Variants in KNTC1 observed in about 807,000 individuals in gnomAD.
The protein encoded by KNTC1 is kinetochore associated 1.
KNTC1 carries 253 observed loss-of-function variants against 314.4 expected under a neutral mutation model. The observed-to-expected ratio is 0.80, with a 90% CI of 0.73 to 0.89. The LOEUF (loss-of-function observed/expected upper bound fraction) is 0.89. KNTC1 is among the 40% of genes least tolerant of loss of function. The pLI, the probability that KNTC1 is intolerant of heterozygous loss-of-function variation, is 0.00. For synonymous variants in KNTC1, 901 were observed against 901.4 expected (o/e 1.00, Z 0.01); for missense variants, 2,475 against 2,572.9 (o/e 0.96, Z 0.82).
chr12:122,610,944 C>A, intron 53 of KNTC1, 44 bp downstream of exon 53: 1 of 1,405,660 alleles, frequency 7.1e-7, no homozygotes, highest in Non-Finnish European at 1.0e-6. Flanking sequence ...TGCATCTCAG[C>A]TTAACATTTT....
intron 6 of KNTC1, 51 bp from the exon 7 acceptor site, chr12:122,543,549 T>C (rs61956128): frequency 0.24 from 308,630 of 1,262,696 alleles, 40,098 homozygotes; most frequent in East Asian, 0.48. Flanking sequence ...TGACTTGTAT[T>C]ATTTTGTAGA....
At chr12:122,540,175 GTT>G (rs560388242) in intron 5 of KNTC1, among the ~76,000 whole-genome samples, 5 of 138,204 alleles carry the variant, frequency 3.6e-5, no homozygotes, top group African/African-American at 7.9e-5. Flanking sequence ...CATTTTTTCT[GTT>G]TTTTTTTTTT....
At chr12:122,550,121 C>T (rs1295284334) in intron 13 of KNTC1, among the ~76,000 whole-genome samples, 1 of 151,616 alleles carries the variant, frequency 6.6e-6, no homozygotes, top group Admixed American at 6.6e-5. Context: ...TTTCTTGTGT[C>T]TCTACAGGAA....
At position 122,570,895 on chromosome 12, in the gene KNTC1, T is replaced by A; in HGVS notation, c.1880T>A (p.Leu627Ter). ...TTTCAGATAATTCTTGCAAAATGGTTGGAACAAGCAGCCAGGAACCTTGAA... is the reference window on the plus strand; with the variant it reads ...TTTCAGATAATTCTTGCAAAATGGTAGGAACAAGCAGCCAGGAACCTTGAA... ...PEGQIILAKW[L>*]EQAARNLELT... Residue 627 changes from leucine (L) to a stop codon, truncating the protein, a stop_gained, in exon 23 of 64, where the codon TTG becomes TAG. Transcript: ENST00000333479. LOFTEE classifies it high-confidence loss of function. 6.4e-7 allele frequency: 1 copy of A among 1,554,950 alleles called. No individual in the cohort carries two copies. The highest frequency in any genetic ancestry group is 8.7e-7 in the Non-Finnish European group (1 of 1,146,430).
rs1048635458 is a variant in KNTC1, at chr12:122,567,681, T to G, written c.1605-580T>G. Among the ~76,000 whole-genome samples the G allele has an allele frequency of 5.9e-5, 9 of 151,868 alleles. No homozygotes were observed. In the South Asian group the frequency reaches 1.5e-3, roughly 25 times the overall value. ...GGTGAAACCCCATCTCTACTAAAAA[T>G]ACAAAAATTAGCCAGGCATGGTGGT... On this transcript the variant is annotated intron_variant, in intron 20 of 63. Transcript: ENST00000333479.
chr12:122,549,618 A>C, intron 12 of KNTC1, 148 bp from the exon 13 acceptor site: 1 of 557,718 alleles, frequency 1.8e-6, no homozygotes, highest in African/African-American at 1.9e-5. Context: ...CGCCTGCCTC[A>C]GCCTCCCAAA....
intron 12 of KNTC1, among the ~76,000 whole-genome samples, chr12:122,548,207 T>TTTA (rs1962928656): frequency 6.6e-6 from 1 of 152,154 alleles, no homozygotes; most frequent in South Asian, 2.1e-4. Flanking sequence ...TTTATTTTAT[T>TTTA]TTATTATTAT....
In KNTC1 at chr12:122,542,122, A is replaced by C; in HGVS notation, c.518A>C (p.Gln173Pro). ...ACAAACCTTCAGCTTTTAAAAATTC[A>C]ACAAGGTAAGTAATACATTATATTT... ...CITNLQLLKI[Q>P]QAIENVDFST... is the part of the protein sequence containing the mutation. The change falls in exon 6 of 64, where the codon CAA (glutamine) becomes CCA (proline). Residue 173 changes from glutamine to proline, a missense_variant. Gln to Pro is a moderately conservative substitution (Grantham distance 76). Coordinates refer to ENST00000333479, the MANE Select transcript of KNTC1 (RefSeq NM_014708.6). 8.1e-6 allele frequency: 12 copies of C among 1,489,786 alleles called. No homozygotes were observed. The highest frequency in any genetic ancestry group is 1.1e-5 in the Non-Finnish European group (12 of 1,089,124). 92.3% of individuals were successfully genotyped at this position (1,489,786 alleles called of 1,614,324 possible). A position where few individuals can be genotyped will look rare whatever the true frequency, so the allele number is the denominator to read the frequency against.
At chr12:122,613,254 A>T in intron 54 of KNTC1, 24 bp downstream of exon 54, 2 of 1,418,558 alleles carry the variant, frequency 1.4e-6, no homozygotes, top group Non-Finnish European at 2.0e-6. Flanking sequence ...TTTAAATTGT[A>T]TTAAGAAATA....
chr12:122,543,115 G>T (rs1300241848), intron 6 of KNTC1, among the ~76,000 whole-genome samples: 1 of 152,106 alleles, frequency 6.6e-6, no homozygotes, highest in Non-Finnish European at 1.5e-5. Context: ...GTTTCACCAT[G>T]TTGGCCAGGC....
intron 20 of KNTC1, among the ~76,000 whole-genome samples, chr12:122,565,774 A>G (rs545806690): frequency 6.6e-6 from 1 of 152,038 alleles, no homozygotes; most frequent in Admixed American, 6.6e-5. Flanking sequence ...AGTCCTGGCT[A>G]CTAAGGAAGC....
intron 55 of KNTC1, among the ~76,000 whole-genome samples, chr12:122,614,070 A>G (rs1413784311): frequency 1.3e-5 from 2 of 152,036 alleles, no homozygotes; most frequent in Non-Finnish European, 2.9e-5. Context: ...ACCTCAGGTG[A>G]TCCACCCACC....
intron 55 of KNTC1, among the ~76,000 whole-genome samples, 195 bp from the exon 56 acceptor site, chr12:122,614,796 G>A (rs535535972): frequency 1.3e-5 from 2 of 151,674 alleles, no homozygotes; most frequent in African/African-American, 2.4e-5. Flanking sequence ...CAGGAGAATC[G>A]CTTGAACCCA....
In KNTC1 at chr12:122,575,525, T is replaced by G; in HGVS notation, c.2383-18T>G. On this transcript the variant is annotated intron_variant, in intron 27 of 63. Coordinates refer to ENST00000333479, the MANE Select transcript of KNTC1 (RefSeq NM_014708.6). ...AAACCTGAGGGCTGTTCCTTGTCCA[T>G]GCGTGCATCTTTTGTAGCTCATATT... 1 of 1,550,672 alleles carries G rather than the reference T, an allele frequency of 6.4e-7. No homozygotes were observed. Among genetic ancestry groups the G allele is most frequent in the Non-Finnish European group, 8.8e-7 (1 of 1,140,178 alleles).
rs370146333 is a variant in KNTC1, at chr12:122,554,076, A to AAAATAT, written c.1272+2381_1272+2382insAATATA. Among the ~76,000 whole-genome samples the AAAATAT allele has an allele frequency of 5.6e-3, 614 of 109,024 alleles. 3 individuals carry two copies. Among genetic ancestry groups the AAAATAT allele is most frequent in the South Asian group, 0.023 (73 of 3,114 alleles). The allele number at this position is 109,024 out of a possible 152,430, so 71.5% of individuals were successfully genotyped here. A position where few individuals can be genotyped will look rare whatever the true frequency, so the allele number is the denominator to read the frequency against. ...CAGAATACTTCCTTAAAAAAAAAAAAATATATATATATATATATATATATT... is the reference window on the plus strand; with the variant it reads ...CAGAATACTTCCTTAAAAAAAAAAAAAAATATATATATATATATATATATATATATT... On this transcript the variant is annotated intron_variant, in intron 16 of 63. Coordinates refer to ENST00000333479, the MANE Select transcript of KNTC1 (RefSeq NM_014708.6).
At chr12:122,553,411 T>A (rs1360699313) in intron 16 of KNTC1, among the ~76,000 whole-genome samples, 1 of 152,114 alleles carries the variant, frequency 6.6e-6, no homozygotes, top group Non-Finnish European at 1.5e-5. Context: ...TCCTAGCTGC[T>A]CGGGAGGCTG....
chr12:122,536,128 C>T (rs1330788032), intron 3 of KNTC1, among the ~76,000 whole-genome samples: 1 of 150,862 alleles, frequency 6.6e-6, no homozygotes, highest in South Asian at 2.1e-4. Context: ...TGGTCTCGAT[C>T]TCCTGACCTT....
chr12:122,625,369 C>T (rs1874911503), intron 63 of KNTC1, among the ~76,000 whole-genome samples: 1 of 151,976 alleles, frequency 6.6e-6, no homozygotes, highest in African/African-American at 2.4e-5. Flanking sequence ...TGCCACTGCA[C>T]CCCAACCTGG....
At position 122,533,593 on chromosome 12, in the gene KNTC1, T is replaced by C. The variant is rs1281377434; in HGVS notation, c.130-1071T>C. Reference sequence around the variant, plus strand: ...GCATGTGTAGTCCCAGCTACTTGGGTTGGGGAGGCACGAAGATCCCTTGAG... The same window carrying C: ...GCATGTGTAGTCCCAGCTACTTGGGCTGGGGAGGCACGAAGATCCCTTGAG... On this transcript the variant is annotated intron_variant, in intron 2 of 63. Coordinates refer to ENST00000333479, the MANE Select transcript of KNTC1 (RefSeq NM_014708.6). 2.6e-5 allele frequency among the ~76,000 whole-genome samples: 4 copies of C among 151,852 alleles called. No individual in the cohort carries two copies. The East Asian group carries it at 5.8e-4, about 22-fold the overall frequency.
Sources: allele counts gnomAD v4.1 joint callset (sites outside exome capture counted in the v4.1 genomes callset), GRCh38; gene constraint gnomAD v4.1.1; transcripts MANE v1.5; gene names NCBI Gene and HGNC (gene_info 2026-07-23, HGNC 2026-07-21).